AP4S1: variants seen among roughly 807,000 people sequenced by gnomAD.
AP4S1 encodes the protein AP-4 complex subunit sigma-1.
Under a neutral mutation model 19.8 loss-of-function variants are expected in AP4S1, and 23 were observed. The ratio of observed to expected loss-of-function variants is 1.16; its 90% CI spans 0.84 to 1.65. AP4S1 has a LOEUF of 1.65. Ranked by LOEUF, AP4S1 falls within the 40% of genes most tolerant of loss-of-function variation. The probability of loss-of-function intolerance (pLI) is 0.00; values close to 1 mark genes in which losing one functional copy is unlikely to be tolerated. For synonymous variants in AP4S1, 46 were observed against 54.1 expected (o/e 0.85, Z 0.66); for missense variants, 166 against 172.8 (o/e 0.96, Z 0.22).
upstream of AP4S1, chr14:31,025,511 C>G (rs1883785225): frequency 4.6e-6 from 1 of 217,142 alleles, no homozygotes; most frequent in South Asian, 6.1e-5. Context: ...TCTTCGGGCT[C>G]TTCATCTCAA....
chr14:31,041,211 G>C (rs527518271), intron 1 of AP4S1, among the ~76,000 whole-genome samples: 79 of 151,984 alleles, frequency 5.2e-4, no homozygotes, highest in African/African-American at 1.7e-3. Flanking sequence ...GTGCAGTGGC[G>C]TAATCTCTGC....
intron 1 of AP4S1, among the ~76,000 whole-genome samples, chr14:31,059,709 A>G (rs1198204525): frequency 1.3e-5 from 2 of 152,156 alleles, no homozygotes; most frequent in African/African-American, 4.8e-5. Flanking sequence ...ACCCACAGCC[A>G]TGAGCTTATC....
In AP4S1 at chr14:31,080,576, G is replaced by A. The variant is rs267603976; in HGVS notation, c.298G>A (p.Glu100Lys). The A allele has an allele frequency of 1.2e-6, 2 of 1,612,770 alleles. No individual in the cohort carries two copies. The highest frequency in any genetic ancestry group is 1.7e-6 in the Non-Finnish European group (2 of 1,178,904). ...GCACTCTTTTTCTGTCTTCCAGAGT[G>A]AATTAGATGTATCCTTTTTCAATAC... Reference protein sequence around the residue: ...VLDEYFSRVSELDIMFNLDKV... With the variant: ...VLDEYFSRVSKLDIMFNLDKV... The change falls in exon 5 of 6, where the codon GAA (glutamate) becomes AAA (lysine). Residue 100 changes from glutamate to lysine, a missense_variant. Physicochemically the swap from Glu to Lys is moderately conservative, Grantham distance 56 (BLOSUM62 1). Transcript: ENST00000542754.
At chr14:31,045,189 A>C (rs1362064859) in intron 1 of AP4S1, among the ~76,000 whole-genome samples, 1 of 152,204 alleles carries the variant, frequency 6.6e-6, no homozygotes, top group East Asian at 1.9e-4. Context: ...GGCGTGAGCC[A>C]CCACGCCCAG....
Position 31,076,304 on chromosome 14 carries a change from C to T in AP4S1, c.294+3331C>T, listed in dbSNP as rs1259918604. Among the ~76,000 whole-genome samples, 5 of 152,174 alleles carry T rather than the reference C, an allele frequency of 3.3e-5. No homozygotes were observed. In the South Asian group the frequency reaches 8.3e-4, roughly 25 times the overall value. On this transcript the variant is annotated intron_variant, in intron 4 of 5. Coordinates refer to ENST00000542754, the MANE Select transcript of AP4S1 (RefSeq NM_001128126.3). ...GAGGGTTTCAATTTCTCCACATCCTCACCAAAACTTGTTATTGTCTGTCTT... is the reference window on the plus strand; with the variant it reads ...GAGGGTTTCAATTTCTCCACATCCTTACCAAAACTTGTTATTGTCTGTCTT...
intron 1 of AP4S1, among the ~76,000 whole-genome samples, chr14:31,040,300 A>G (rs544315227): frequency 6.6e-6 from 1 of 152,052 alleles, no homozygotes; most frequent in South Asian, 2.1e-4. Context: ...CTGTAGGCAG[A>G]TGTCACCATG....
chr14:31,083,734 T>G, intron 5 of AP4S1: 1 of 342,712 alleles, frequency 2.9e-6, no homozygotes, highest in South Asian at 2.3e-5. Flanking sequence ...GGTCTCAAAC[T>G]TCTGGGCTCA....
At chr14:31,041,392 G>A (rs562761658) in intron 1 of AP4S1, among the ~76,000 whole-genome samples, 3 of 152,180 alleles carry the variant, frequency 2.0e-5, no homozygotes, top group South Asian at 2.1e-4. Context: ...TCAGGTATCC[G>A]CCTGCCTCGG....
intron 1 of AP4S1, among the ~76,000 whole-genome samples, chr14:31,045,865 G>GT (rs1455800721): frequency 6.6e-6 from 1 of 151,984 alleles, no homozygotes; most frequent in South Asian, 2.1e-4. Flanking sequence ...TAGCCTCAGG[G>GT]TGGGGCCAGT....
intron 4 of AP4S1, 108 bp downstream of exon 4, chr14:31,073,081 G>A: frequency 1.0e-6 from 1 of 972,772 alleles, no homozygotes; most frequent in Non-Finnish European, 1.6e-6. Flanking sequence ...GTTTTAATAA[G>A]TAAAAGTTAA....
At chr14:31,048,713 TG>T (rs1432338512) in intron 1 of AP4S1, among the ~76,000 whole-genome samples, 14 of 152,218 alleles carry the variant, frequency 9.2e-5, no homozygotes, top group Non-Finnish European at 1.5e-5. Context: ...CACTCCAGCC[TG>T]GGTGACAGTG....
At chr14:31,057,942 T>G (rs1886213979) in intron 1 of AP4S1, among the ~76,000 whole-genome samples, 1 of 151,876 alleles carries the variant, frequency 6.6e-6, no homozygotes, top group South Asian at 2.1e-4. Flanking sequence ...GTTTTTTTTT[T>G]TTTTAGAGAT....
At chr14:31,048,056 A>G (rs1885523123) in intron 1 of AP4S1, among the ~76,000 whole-genome samples, 1 of 148,670 alleles carries the variant, frequency 6.7e-6, no homozygotes, top group East Asian at 2.0e-4. Flanking sequence ...TTATTTTTGT[A>G]TGTGGTGTGA....
chr14:31,066,888 G>A (rs1213086505), intron 2 of AP4S1, among the ~76,000 whole-genome samples: 1 of 152,014 alleles, frequency 6.6e-6, no homozygotes, highest in African/African-American at 2.4e-5. Flanking sequence ...ATCTAGGTGG[G>A]GAAAACGGAA....
chr14:31,029,397 A>G (rs982237989), intron 1 of AP4S1, among the ~76,000 whole-genome samples: 1 of 152,212 alleles, frequency 6.6e-6, no homozygotes, highest in African/African-American at 2.4e-5. Flanking sequence ...CTAATCTACC[A>G]TAACACTATC....
At chr14:31,035,180 T>C (rs902664171) in intron 1 of AP4S1, among the ~76,000 whole-genome samples, 3 of 149,474 alleles carry the variant, frequency 2.0e-5, no homozygotes, top group African/African-American at 7.4e-5. Context: ...ACCTACAAAA[T>C]TAATGGTAAT....
At chr14:31,056,379 A>G (rs1886117470) in intron 1 of AP4S1, among the ~76,000 whole-genome samples, 1 of 148,698 alleles carries the variant, frequency 6.7e-6, no homozygotes, top group East Asian at 2.0e-4. Context: ...TTTTTTTGAG[A>G]TGGAGTCTCA....
chr14:31,089,162 CCA>C (rs1888007268), intron 5 of AP4S1, among the ~76,000 whole-genome samples: 1 of 109,644 alleles, frequency 9.1e-6, no homozygotes. Context: ...TTTGTCTTAA[CCA>C]AAAAAAAAAA....
intron 1 of AP4S1, among the ~76,000 whole-genome samples, chr14:31,050,848 C>A (rs1452153598): frequency 1.3e-5 from 2 of 152,164 alleles, no homozygotes; most frequent in Non-Finnish European, 2.9e-5. Context: ...ATCTTATTTC[C>A]TTAATCTTCT....
Sources: allele counts gnomAD v4.1 joint callset (sites outside exome capture counted in the v4.1 genomes callset), GRCh38; gene constraint gnomAD v4.1.1; transcripts MANE v1.5; gene names NCBI Gene and HGNC (gene_info 2026-07-23, HGNC 2026-07-21).